Variants in SOX5 observed in about 807,000 individuals in gnomAD.
The protein encoded by SOX5 is transcription factor SOX-5.
A neutral mutation model predicts 92.0 loss-of-function variants in SOX5; 9 were observed. That is an observed-to-expected ratio of 0.10 (90% CI 0.06 to 0.17). The LOEUF is 0.17. Among genes scored for constraint, SOX5 ranks in the 10% least tolerant of loss-of-function variants. The probability of loss-of-function intolerance (pLI) is 1.00; values close to 1 mark genes in which losing one functional copy is unlikely to be tolerated. For missense variants in SOX5, 642 were observed against 944.5 expected, an observed-to-expected ratio of 0.68 and a Z score of 4.20; for synonymous variants, 344 against 336.3, an observed-to-expected ratio of 1.02 and a Z score of -0.25.
chr12:24,095,124 C>CAGAGAGAGAGAG (rs1295495095), intron 4 of SOX5, among the ~76,000 whole-genome samples: 1,188 of 104,864 alleles, frequency 0.011, 11 homozygotes, highest in South Asian at 0.036. Flanking sequence ...CACACACACA[C>CAGAGAGAGAGAG]ACACAGAGAG....
chr12:23,714,784 C>A (rs1400768892), intron 6 of SOX5, among the ~76,000 whole-genome samples: 1 of 152,126 alleles, frequency 6.6e-6, no homozygotes, highest in Non-Finnish European at 1.5e-5. Context: ...CAAATACTTG[C>A]TTTTCAAATG....
At chr12:23,847,900 A>G (rs974486079) in intron 2 of SOX5, among the ~76,000 whole-genome samples, 3 of 152,134 alleles carry the variant, frequency 2.0e-5, no homozygotes, top group African/African-American at 7.2e-5. Context: ...TGGAATTATT[A>G]AAACCTACAT....
chr12:24,199,948 A>T (rs1957356432), intron 4 of SOX5, among the ~76,000 whole-genome samples: 1 of 152,202 alleles, frequency 6.6e-6, no homozygotes, highest in African/African-American at 2.4e-5. Flanking sequence ...AAGAAAAAAA[A>T]AATCAGTAGA....
chr12:24,054,445 C>G (rs1445149580), intron 4 of SOX5, among the ~76,000 whole-genome samples: 1 of 152,188 alleles, frequency 6.6e-6, no homozygotes. Context: ...GGGCACTACA[C>G]ATGGGCATGG....
intron 4 of SOX5, among the ~76,000 whole-genome samples, chr12:24,165,273 G>A (rs73056556): frequency 0.043 from 6,566 of 152,118 alleles, 187 homozygotes; most frequent in Non-Finnish European, 0.066. Flanking sequence ...ATAAAGCATG[G>A]AATTATGGGC....
Position 24,203,627 on chromosome 12 carries a change from T to C in SOX5, c.-2+9716A>G, listed in dbSNP as rs988973277. Among the ~76,000 whole-genome samples the C allele has an allele frequency of 3.3e-5, 5 of 152,198 alleles. No homozygotes were observed. The South Asian group carries it at 1.0e-3, about 31-fold the overall frequency. Reference sequence around the variant, plus strand: ...TTCTTTGACAGAGAGAAAATAGCCCTCATCCACAATCCTAGGAGACATTTG... The same window carrying C: ...TTCTTTGACAGAGAGAAAATAGCCCCCATCCACAATCCTAGGAGACATTTG... On this transcript the variant is annotated intron_variant, in intron 4 of 4. Coordinates refer to the SOX5 transcript ENST00000446891.
At chr12:23,715,230 C>T (rs145331382) in intron 6 of SOX5, among the ~76,000 whole-genome samples, 2,120 of 151,650 alleles carry the variant, frequency 0.014, 49 homozygotes, top group African/African-American at 0.048. Context: ...ACCCAGGAGG[C>T]GAAGCTTGCA....
At chr12:23,975,263 A>G (rs1235847640) in intron 4 of SOX5, among the ~76,000 whole-genome samples, 1 of 152,120 alleles carries the variant, frequency 6.6e-6, no homozygotes, top group Non-Finnish European at 1.5e-5. Context: ...TTCCTTTCTT[A>G]CTGATCCTCG....
chr12:23,559,950 G>A (rs556086455), intron 11 of SOX5, among the ~76,000 whole-genome samples: 38 of 151,976 alleles, frequency 2.5e-4, no homozygotes, highest in African/African-American at 7.0e-4. Context: ...TTGCCCTGTC[G>A]CCCAGGCTGG....
intron 2 of SOX5, among the ~76,000 whole-genome samples, chr12:24,353,410 G>A (rs1442629446): frequency 6.6e-6 from 1 of 152,130 alleles, no homozygotes; most frequent in Non-Finnish European, 1.5e-5. Flanking sequence ...TGAAGCAACA[G>A]GCCTAGAGCA....
chr12:23,926,852 C>T (rs1187176226), intron 1 of SOX5, among the ~76,000 whole-genome samples: 2 of 151,952 alleles, frequency 1.3e-5, no homozygotes, highest in Non-Finnish European at 1.5e-5. Flanking sequence ...TTGCAAGGTT[C>T]GTCAACTTTA....
chr12:23,769,658 T>C (rs879594679), intron 3 of SOX5, among the ~76,000 whole-genome samples: 1 of 152,192 alleles, frequency 6.6e-6, no homozygotes, highest in Non-Finnish European at 1.5e-5. Flanking sequence ...ATAAGATATA[T>C]GTTGAATTGT....
At chr12:23,736,773 C>T (rs2093613984) in intron 5 of SOX5, among the ~76,000 whole-genome samples, 1 of 151,132 alleles carries the variant, frequency 6.6e-6, no homozygotes, top group South Asian at 2.1e-4. Context: ...TTACTGCAAC[C>T]ACCGCCTCCT....
chr12:24,380,734 T>C (rs1957742044), intron 1 of SOX5, among the ~76,000 whole-genome samples: 1 of 151,382 alleles, frequency 6.6e-6, no homozygotes, highest in Non-Finnish European at 1.5e-5. Context: ...TCTTGATATA[T>C]TTTTTTTAAA....
intron 4 of SOX5, among the ~76,000 whole-genome samples, chr12:24,162,109 T>G (rs1952825265): frequency 6.6e-6 from 1 of 152,084 alleles, no homozygotes; most frequent in Non-Finnish European, 1.5e-5. Context: ...GAGCCTGGAT[T>G]GGTCACTGAA....
intron 1 of SOX5, among the ~76,000 whole-genome samples, chr12:24,540,538 G>C (rs535919095): frequency 3.9e-4 from 60 of 152,152 alleles, no homozygotes; most frequent in African/African-American, 1.1e-3. Context: ...GTCAATTTTA[G>C]CCATTTTCAT....
intron 4 of SOX5, among the ~76,000 whole-genome samples, chr12:24,032,932 T>C (rs1002120224): frequency 3.9e-5 from 6 of 151,928 alleles, no homozygotes; most frequent in African/African-American, 1.4e-4. Flanking sequence ...GGACTTTTTG[T>C]TCTTTCTTTC....
intron 6 of SOX5, among the ~76,000 whole-genome samples, chr12:23,672,146 T>C (rs1566881387): frequency 6.6e-6 from 1 of 152,000 alleles, no homozygotes; most frequent in Non-Finnish European, 1.5e-5. Flanking sequence ...TGACTACAAA[T>C]ACTTTTGTCC....
chr12:23,541,383 C>CTAAT (rs1197990281), intron 13 of SOX5, among the ~76,000 whole-genome samples: 1 of 152,094 alleles, frequency 6.6e-6, no homozygotes, highest in Non-Finnish European at 1.5e-5. Context: ...TTTTGGATTT[C>CTAAT]TAATTTGGGA....
Sources: allele counts gnomAD v4.1 joint callset (sites outside exome capture counted in the v4.1 genomes callset), GRCh38; gene constraint gnomAD v4.1.1; transcripts MANE v1.5; gene names NCBI Gene and HGNC (gene_info 2026-07-23, HGNC 2026-07-21).